The following WBP2NL variants were observed in gnomAD, a reference collection of about 807,000 sequenced individuals.
WBP2NL encodes WBP2 N-terminal like.
WBP2NL carries 27 observed loss-of-function variants against 23.3 expected under a neutral mutation model. The observed-to-expected ratio is 1.16, with a 90% confidence interval of 0.85 to 1.60. The LOEUF (loss-of-function observed/expected upper bound fraction) is 1.60. WBP2NL is among the 40% of genes most tolerant of loss of function. WBP2NL has a pLI of 0.00. For synonymous variants in WBP2NL, 151 were observed against 145.9 expected, an observed-to-expected ratio of 1.03 and a Z score of -0.25; for missense variants, 370 against 389.5, an observed-to-expected ratio of 0.95 and a Z score of 0.42.
At chr22:42,044,970 C>A (rs2146819105) in intron 8 of WBP2NL, among the ~76,000 whole-genome samples, 1 of 152,006 alleles carries the variant, frequency 6.6e-6, no homozygotes, top group Admixed American at 6.6e-5. Context: ...CATGCCACAC[C>A]TGGCTAATTT....
chr22:42,042,857 G>A (rs919176224), intron 8 of WBP2NL, among the ~76,000 whole-genome samples: 6 of 151,956 alleles, frequency 3.9e-5, no homozygotes, highest in Non-Finnish European at 5.9e-5. Flanking sequence ...CCAGCAGTTC[G>A]AGATGACCAG....
intron 8 of WBP2NL, among the ~76,000 whole-genome samples, chr22:42,040,835 C>G (rs552706301): frequency 1.3e-5 from 2 of 152,256 alleles, no homozygotes; most frequent in South Asian, 4.1e-4. Context: ...AAGATGTGAC[C>G]TATCCTGGAA....
chr22:42,008,493 C>T (rs868612956), intron 1 of WBP2NL, among the ~76,000 whole-genome samples: 2 of 152,072 alleles, frequency 1.3e-5, no homozygotes, highest in Non-Finnish European at 2.9e-5. Context: ...AGGCATGAGC[C>T]ACCATGCCTG....
At chr22:42,023,433 C>T (rs1022667371) in intron 5 of WBP2NL, among the ~76,000 whole-genome samples, 69 of 152,116 alleles carry the variant, frequency 4.5e-4, no homozygotes, top group African/African-American at 1.6e-3. Flanking sequence ...GGCCTCCAGC[C>T]ATCTGCCCGC....
intron 8 of WBP2NL, among the ~76,000 whole-genome samples, chr22:42,043,682 A>G (rs1008601883): frequency 6.6e-6 from 1 of 152,128 alleles, no homozygotes; most frequent in Non-Finnish European, 1.5e-5. Flanking sequence ...TAAAGTCCAA[A>G]TGTTCTTTCA....
downstream of WBP2NL, among the ~76,000 whole-genome samples, chr22:42,035,186 G>C (rs1236866512): frequency 6.6e-6 from 1 of 152,252 alleles, no homozygotes; most frequent in Non-Finnish European, 1.5e-5. Flanking sequence ...ACTAATAAAT[G>C]TCCATAAAAT....
chr22:42,055,671 CTATT>C (rs1809469995), intron 8 of WBP2NL, among the ~76,000 whole-genome samples: 1 of 152,062 alleles, frequency 6.6e-6, no homozygotes. Context: ...GTTGAATTAT[CTATT>C]TCTGTATTCA....
chr22:42,027,262 G>GGTAT lies in WBP2NL; in HGVS notation c.*84_*87dup. On this transcript the variant is annotated 3_prime_UTR_variant, in exon 6 of 6. Coordinates refer to ENST00000328823, the MANE Select transcript of WBP2NL (RefSeq NM_152613.3). The stretch of plus-strand genomic sequence containing the variant: ...AAGTCAGGATAAGGAGGACGACTCA[G>GGTAT]GTATGTGATCACAGGCTTCTCGCAG... The GGTAT allele has an allele frequency of 6.7e-7, 1 of 1,496,564 alleles. No individual in the cohort carries two copies. Among genetic ancestry groups the GGTAT allele is most frequent in the Non-Finnish European group, 8.9e-7 (1 of 1,123,062 alleles). 92.7% of individuals were successfully genotyped at this position (1,496,564 alleles called of 1,614,324 possible).
chr22:42,040,682 T>G (rs1269483142), intron 8 of WBP2NL, among the ~76,000 whole-genome samples: 3 of 152,258 alleles, frequency 2.0e-5, no homozygotes, highest in Non-Finnish European at 2.9e-5. Flanking sequence ...ATCCAGTTGT[T>G]CAAGAGTGTA....
intron 8 of WBP2NL, among the ~76,000 whole-genome samples, chr22:42,040,288 T>A (rs1158684210): frequency 2.3e-5 from 3 of 133,046 alleles, no homozygotes; most frequent in South Asian, 2.5e-4. Context: ...AATGGTGCGA[T>A]CTCAGCTCAC....
intron 1 of WBP2NL, among the ~76,000 whole-genome samples, chr22:42,014,725 C>T (rs1401096176): frequency 6.6e-6 from 1 of 152,188 alleles, no homozygotes; most frequent in East Asian, 1.9e-4. Flanking sequence ...TCTCTTCTGC[C>T]TGCCAAAATT....
At chr22:42,013,973 G>T (rs9611710) in intron 1 of WBP2NL, among the ~76,000 whole-genome samples, 43,514 of 151,694 alleles carry the variant, frequency 0.29, 6,698 homozygotes, top group Admixed American at 0.37. Flanking sequence ...GTAGAGATGG[G>T]GTCTCACCAT....
At chr22:42,018,912 C>T (rs1168399454) in intron 1 of WBP2NL, among the ~76,000 whole-genome samples, 1 of 75,932 alleles carries the variant, frequency 1.3e-5, no homozygotes, top group Non-Finnish European at 3.1e-5. Context: ...AGTGCTTACT[C>T]TGGAAAAAAA....
rs759723826 is a variant in WBP2NL at position 42,026,776 on chromosome 22, T to C, written c.525T>C (p.Tyr175=). ...CATTATAATTCCCAGTTATTGTCTA[T>C]GGAGCCCCACCTGCAGGATATGGAG... ...TPQMPCSVIV[Y]GAPPAGYGAP... is the part of the protein sequence containing the mutation. Residue 175 remains tyrosine, a synonymous_variant, in exon 6 of 6, where the codon TAT becomes TAC. Transcript: ENST00000328823. 3 of 1,613,472 alleles carry C rather than the reference T, an allele frequency of 1.9e-6. No individual in the cohort carries two copies. In the East Asian group the frequency reaches 6.7e-5, roughly 36 times the overall value.
At chr22:42,049,574 T>C (rs113284169) in intron 8 of WBP2NL, among the ~76,000 whole-genome samples, 2,290 of 151,500 alleles carry the variant, frequency 0.015, 62 homozygotes, top group African/African-American at 0.053. Flanking sequence ...CCTGTAGTCC[T>C]AGCTACTCAG....
intron 8 of WBP2NL, among the ~76,000 whole-genome samples, chr22:42,040,216 TTCTC>T (rs988467924): frequency 6.6e-5 from 10 of 151,632 alleles, no homozygotes; most frequent in African/African-American, 9.7e-5. Flanking sequence ...GAGATCTATC[TTCTC>T]TCTCTCTCTT....
At chr22:42,010,653 C>T (rs1181006847) in intron 1 of WBP2NL, among the ~76,000 whole-genome samples, 1 of 152,208 alleles carries the variant, frequency 6.6e-6, no homozygotes, top group Non-Finnish European at 1.5e-5. Flanking sequence ...ATTCTCCTGC[C>T]TCAGCCTCCT....
At position 42,052,831 on chromosome 22, in the gene WBP2NL, G is replaced by A. The variant is rs1450960869; in HGVS notation, c.*274-5459G>A. Among the ~76,000 whole-genome samples, 6 of 152,174 alleles carry A rather than the reference G, an allele frequency of 3.9e-5. No homozygotes were observed. In the South Asian group the frequency reaches 1.0e-3, roughly 26 times the overall value. The stretch of plus-strand genomic sequence containing the variant: ...CTCCCTGTCTCTCACCTGGATCCTT[G>A]AACAGCAGCTAATTGTAGGCTCTCT... On this transcript the variant is annotated intron_variant and NMD_transcript_variant, in intron 8 of 8. Coordinates refer to the WBP2NL transcript ENST00000436265.
At chr22:42,055,743 TTA>T (rs1926004877) in intron 8 of WBP2NL, among the ~76,000 whole-genome samples, 1 of 152,224 alleles carries the variant, frequency 6.6e-6, no homozygotes, top group Admixed American at 6.5e-5. Flanking sequence ...ATGTGTAAAA[TTA>T]TATCTTTTTT....
Sources: gnomAD v4.1 joint callset for allele counts (sites outside exome capture counted in the v4.1 genomes callset) on GRCh38, gnomAD v4.1.1 for gene constraint, MANE v1.5 for transcripts, NCBI Gene and HGNC (gene_info 2026-07-23, HGNC 2026-07-21) for gene names.